Variants in BLTP1 observed in about 807,000 individuals in gnomAD.
BLTP1 encodes the protein bridge-like lipid transfer protein family member 1, also known as fragile site-associated protein.
At chr4:122,167,908 G>T in the BLTP1 span, 2 of 985,182 alleles carry the variant, frequency 2.0e-6, no homozygotes, top group Non-Finnish European at 2.4e-6. Flanking sequence ...TTTGCTCCAT[G>T]AAGATTTTGC....
chr4:122,315,791 G>A, the BLTP1 span: 1 of 1,052,932 alleles, frequency 9.5e-7, no homozygotes, highest in Non-Finnish European at 1.4e-6. Context: ...GCTATTTGTG[G>A]AGGAAGAGAA....
the BLTP1 span, among the ~76,000 whole-genome samples, chr4:122,300,216 G>A: frequency 3.3e-5 from 5 of 151,934 alleles, no homozygotes; most frequent in Admixed American, 2.0e-4. Flanking sequence ...CTCCATGTTG[G>A]CCAGGCTAGT....
chr4:122,221,896 A>G, the BLTP1 span: 1 of 984,124 alleles, frequency 1.0e-6, no homozygotes, highest in African/African-American at 1.7e-5. Flanking sequence ...TTCAACTTTT[A>G]ATCACTGCAC....
At chr4:122,308,322 A>G in the BLTP1 span, among the ~76,000 whole-genome samples, 11 of 152,184 alleles carry the variant, frequency 7.2e-5, no homozygotes, top group African/African-American at 1.4e-4. Flanking sequence ...ACTCATCTCA[A>G]TGTATTAAAT....
At chr4:122,246,482 G>T in the BLTP1 span, 1 of 574,720 alleles carries the variant, frequency 1.7e-6, no homozygotes, top group Non-Finnish European at 2.2e-6. Context: ...CAGAATATTA[G>T]GTAATAGTAG....
chr4:122,328,332 A>G, the BLTP1 span: 1 of 1,609,920 alleles, frequency 6.2e-7, no homozygotes, highest in Non-Finnish European at 8.5e-7. Context: ...TGAGAGGGAA[A>G]GGTTTTATAT....
chr4:122,299,926 A>G, the BLTP1 span: 44 of 985,054 alleles, frequency 4.5e-5, no homozygotes, highest in Admixed American at 2.5e-4. Flanking sequence ...GAAAGGTACA[A>G]GCGTACAGGC....
chr4:122,315,434 C>A, the BLTP1 span: 1 of 1,613,286 alleles, frequency 6.2e-7, no homozygotes, highest in Non-Finnish European at 8.5e-7. Context: ...CAGGACTTAA[C>A]AAAAATGCAA....
At chr4:122,328,551 A>G in the BLTP1 span, 1 of 624,482 alleles carries the variant, frequency 1.6e-6, no homozygotes, top group African/African-American at 2.0e-5. Flanking sequence ...AGCTCCATAT[A>G]ACATTATTTT....
the BLTP1 span, among the ~76,000 whole-genome samples, chr4:122,262,327 C>T: frequency 7.9e-5 from 12 of 152,122 alleles, no homozygotes; most frequent in African/African-American, 2.7e-4. Context: ...TTCTCTGGCA[C>T]TTCCACAAAC....
chr4:122,328,663 C>A, the BLTP1 span: 1 of 982,574 alleles, frequency 1.0e-6, no homozygotes, highest in Non-Finnish European at 1.2e-6. Context: ...GGGCTGTATT[C>A]CTGTGGCATT....
the BLTP1 span, chr4:122,277,230 A>G: frequency 1.2e-5 from 4 of 332,212 alleles, no homozygotes; most frequent in African/African-American, 6.7e-5. Flanking sequence ...AGTCCCAGCC[A>G]CTTGAGAGAC....
At chr4:122,246,553 A>G in the BLTP1 span, 1 of 1,175,346 alleles carries the variant, frequency 8.5e-7, no homozygotes. Flanking sequence ...ATCTGTATTC[A>G]TAAGCTTTGT....
chr4:122,157,623 A>T, the BLTP1 span, among the ~76,000 whole-genome samples: 1 of 152,114 alleles, frequency 6.6e-6, no homozygotes, highest in South Asian at 2.1e-4. Context: ...TGTGTGGCCT[A>T]GTTCCTAACA....
the BLTP1 span, among the ~76,000 whole-genome samples, chr4:122,273,890 G>A: frequency 6.6e-6 from 1 of 151,912 alleles, no homozygotes; most frequent in Non-Finnish European, 1.5e-5. Context: ...AGGCAAAATT[G>A]TTTATGTGAT....
chr4:122,262,890 C>G, the BLTP1 span: 8 of 1,614,124 alleles, frequency 5.0e-6, no homozygotes, highest in Non-Finnish European at 6.8e-6. Flanking sequence ...ACTCAGCTAC[C>G]TGACTGGAAG....
At chr4:122,273,407 A>G in the BLTP1 span, 1 of 985,076 alleles carries the variant, frequency 1.0e-6, no homozygotes. Context: ...GCTAAGAAAA[A>G]TACAAATACA....
chr4:122,291,219 C>A, the BLTP1 span, among the ~76,000 whole-genome samples: 3 of 152,284 alleles, frequency 2.0e-5, no homozygotes, highest in African/African-American at 7.2e-5. Context: ...TGAACCATTT[C>A]TTTCTGACTT....
At chr4:122,226,693 C>T in the BLTP1 span, 14 of 1,612,670 alleles carry the variant, frequency 8.7e-6, no homozygotes, top group Non-Finnish European at 1.2e-5. Flanking sequence ...CAACTTGTCA[C>T]TGATTATCTG....
Sources: allele counts gnomAD v4.1 joint callset (sites outside exome capture counted in the v4.1 genomes callset), GRCh38; gene constraint gnomAD v4.1.1; transcripts MANE v1.5; gene names NCBI Gene and HGNC (gene_info 2026-07-23, HGNC 2026-07-21).